The following ABLIM2 variants were observed in gnomAD, a reference collection of about 807,000 sequenced individuals.
ABLIM2 encodes actin binding LIM protein family member 2.
Under a neutral mutation model 97.7 loss-of-function variants are expected in ABLIM2, and 53 were observed. The ratio of observed to expected loss-of-function variants is 0.54; its 90% confidence interval spans 0.44 to 0.68. ABLIM2 has a LOEUF of 0.68. ABLIM2 is among the 30% of genes least tolerant of loss of function. ABLIM2 has a pLI of 0.00. For synonymous variants in ABLIM2, 361 were observed against 345.8 expected, an observed-to-expected ratio of 1.04 and a Z score of -0.49; for missense variants, 835 against 867.2, an observed-to-expected ratio of 0.96 and a Z score of 0.47.
chr4:7,974,406 T>TCCATCTATCCACCCAC (rs367553626), intron 20 of ABLIM2, among the ~76,000 whole-genome samples: 45,405 of 133,582 alleles, frequency 0.34, 8,343 homozygotes, highest in Non-Finnish European at 0.38. Flanking sequence ...CATCCACCCA[T>TCCATCTATCCACCCAC]CCATCCACCA....
chr4:8,047,152 C>G (rs953118933), intron 8 of ABLIM2, among the ~76,000 whole-genome samples: 1 of 152,188 alleles, frequency 6.6e-6, no homozygotes, highest in Non-Finnish European at 1.5e-5. Context: ...GGAGGACAAC[C>G]CTGTGCGGCA....
intron 20 of ABLIM2, among the ~76,000 whole-genome samples, chr4:7,973,184 G>T (rs1232256577): frequency 6.6e-6 from 1 of 151,804 alleles, no homozygotes; most frequent in Non-Finnish European, 1.5e-5. Context: ...CCTGGGGCAG[G>T]AGGAGCCTTG....
intron 10 of ABLIM2, among the ~76,000 whole-genome samples, chr4:8,034,894 G>A (rs1279072762): frequency 8.7e-6 from 1 of 115,362 alleles, no homozygotes; most frequent in African/African-American, 3.4e-5. Context: ...TGGGTGGTAG[G>A]TAGGTGGGTG....
chr4:8,025,023 G>A (rs1490091637), intron 12 of ABLIM2, among the ~76,000 whole-genome samples: 7 of 152,206 alleles, frequency 4.6e-5, no homozygotes, highest in Non-Finnish European at 1.5e-5. Context: ...TCCGCCTCCT[G>A]GATTCAAGCA....
chr4:8,048,648 G>A (rs1794117729), intron 8 of ABLIM2, among the ~76,000 whole-genome samples: 1 of 152,190 alleles, frequency 6.6e-6, no homozygotes, highest in East Asian at 1.9e-4. Context: ...CCCGCGTTTG[G>A]TCTCCACAAG....
Position 8,077,570 on chromosome 4 carries a change from C to G in ABLIM2, c.675+58G>C, listed in dbSNP as rs1479544045. ...ACACACAAATCTCCCAGTCAACTCC[C>G]AGGGGGGCAGTTAGGCCCTAGCTCA... On this transcript the variant is annotated intron_variant, in intron 6 of 20. Coordinates refer to ENST00000447017, the MANE Select transcript of ABLIM2 (RefSeq NM_001130083.2). 2.0e-6 allele frequency: 3 copies of G among 1,472,096 alleles called. No individual in the cohort carries two copies. In the African/African-American group the frequency reaches 4.2e-5, roughly 21 times the overall value. The allele number at this position is 1,472,096 out of a possible 1,614,324, so 91.2% of individuals were successfully genotyped here.
rs1187646650 is a variant in ABLIM2, at chr4:8,132,412, T to G, written c.11-25775A>C. Among the ~76,000 whole-genome samples the G allele has an allele frequency of 2.0e-5, 3 of 152,148 alleles. No individual in the cohort carries two copies. Among genetic ancestry groups the G allele is most frequent in the Non-Finnish European group, 4.4e-5 (3 of 68,020 alleles). ...AGACTTAAAGCGAGGAAGACACCAGTGCTTTTTCAGGATTGTAAAACTTAG... is the reference window on the plus strand; with the variant it reads ...AGACTTAAAGCGAGGAAGACACCAGGGCTTTTTCAGGATTGTAAAACTTAG... On this transcript the variant is annotated intron_variant, in intron 1 of 20. Transcript: ENST00000447017. This position sits in a 1 kb window ranked among gnomAD's most constrained non-coding sequence, Gnocchi z 8.0.
rs562298208 is a variant in ABLIM2 at position 8,015,409 on chromosome 4, A to T, written c.1423+4209T>A. Among the ~76,000 whole-genome samples the T allele has an allele frequency of 6.6e-6, 1 of 152,036 alleles. No homozygotes were observed. Among genetic ancestry groups the T allele is most frequent in the South Asian group, 2.1e-4 (1 of 4,814 alleles). ...TGGGGAGCCTCAGTGGGGGCTTCCC[A>T]GTGCAATCCGCACTCTGGACACAGC... On this transcript the variant is annotated intron_variant, in intron 14 of 20. Transcript: ENST00000447017. This position sits in a 1 kb window ranked among gnomAD's most constrained non-coding sequence, Gnocchi z 4.6.
At chr4:8,073,006 C>T (rs4696671) in intron 6 of ABLIM2, among the ~76,000 whole-genome samples, 21,042 of 151,864 alleles carry the variant, frequency 0.14, 1,931 homozygotes, top group East Asian at 0.34. Context: ...GCAGTGGGGC[C>T]GGTGCGAAGG....
intron 20 of ABLIM2, among the ~76,000 whole-genome samples, chr4:7,979,023 G>A (rs537729360): frequency 2.0e-4 from 31 of 152,322 alleles, no homozygotes; most frequent in African/African-American, 7.5e-4. Context: ...CACTCACTCT[G>A]CGCAGATGCT....
chr4:8,002,149 GC>G lies in ABLIM2; in HGVS notation c.1618+5909del, dbSNP rs1247443251. Among the ~76,000 whole-genome samples the G allele has an allele frequency of 6.6e-6, 1 of 152,154 alleles. No homozygotes were observed. The highest frequency in any genetic ancestry group is 2.4e-5 in the African/African-American group (1 of 41,430). ...CCCACGGTTCCAGTCCCATCTGGGA[GC>G]CGGGGACCCTCAGTCTCTGCCTCCA... On this transcript the variant is annotated intron_variant, in intron 16 of 20. Coordinates refer to ENST00000447017, the MANE Select transcript of ABLIM2 (RefSeq NM_001130083.2). The surrounding 1 kb of genome is among the most constrained non-coding windows in gnomAD (Gnocchi z 6.1).
intron 16 of ABLIM2, chr4:8,006,987 G>C (rs1761863437): frequency 1.0e-6 from 1 of 982,616 alleles, no homozygotes; most frequent in Non-Finnish European, 1.2e-6. Flanking sequence ...GGGGTGCACA[G>C]ACACCTGCTT....
chr4:8,063,335 G>C (rs1804698724), intron 6 of ABLIM2, among the ~76,000 whole-genome samples: 1 of 152,236 alleles, frequency 6.6e-6, no homozygotes, highest in Non-Finnish European at 1.5e-5. Context: ...AAAGTGCTGA[G>C]ATTATAGGCG....
At chr4:8,059,661 G>A (rs900887079) in intron 7 of ABLIM2, among the ~76,000 whole-genome samples, 1 of 152,060 alleles carries the variant, frequency 6.6e-6, no homozygotes, top group Non-Finnish European at 1.5e-5. Context: ...CAGCACTTTG[G>A]GAGGCCGAGG....
Position 8,128,020 on chromosome 4 carries a change from T to A in ABLIM2, c.11-21383A>T, listed in dbSNP as rs1411189450. 1.3e-5 allele frequency among the ~76,000 whole-genome samples: 2 copies of A among 152,174 alleles called. No individual in the cohort carries two copies. The highest frequency in any genetic ancestry group is 1.5e-5 in the Non-Finnish European group (1 of 68,022). On this transcript the variant is annotated intron_variant, in intron 1 of 20. Transcript: ENST00000447017. This position sits in a 1 kb window ranked among gnomAD's most constrained non-coding sequence, Gnocchi z 4.9. ...CAACAGATACGGATTCTCTCGCAGT[T>A]CTGGGGGCCAGAAGTCTGACATGAA...
chr4:8,010,282 A>C (rs570391243), intron 14 of ABLIM2: 1 of 833,838 alleles, frequency 1.2e-6, no homozygotes, highest in Non-Finnish European at 1.4e-6. Flanking sequence ...TCGGCATCCA[A>C]CTTAGTAGGT....
chr4:8,155,052 C>T lies in ABLIM2; in HGVS notation c.10+3628G>A, dbSNP rs1714864608. On this transcript the variant is annotated intron_variant, in intron 1 of 20. Coordinates refer to ENST00000447017, the MANE Select transcript of ABLIM2 (RefSeq NM_001130083.2). The surrounding 1 kb of genome is among the most constrained non-coding windows in gnomAD (Gnocchi z 4.2). Reference sequence around the variant, plus strand: ...CACCCCTGTGATTCAATTATCTCCACCTGGCCCTGCCCTTGACACGTGGGG... The same window carrying T: ...CACCCCTGTGATTCAATTATCTCCATCTGGCCCTGCCCTTGACACGTGGGG... 6.6e-6 allele frequency among the ~76,000 whole-genome samples: 1 copy of T among 152,220 alleles called. No individual in the cohort carries two copies. Among genetic ancestry groups the T allele is most frequent in the Non-Finnish European group, 1.5e-5 (1 of 68,048 alleles).
chr4:8,013,579 C>T (rs1332982376), intron 14 of ABLIM2, among the ~76,000 whole-genome samples: 1 of 152,226 alleles, frequency 6.6e-6, no homozygotes, highest in Non-Finnish European at 1.5e-5. Context: ...CTATGAACCT[C>T]ATTTACAGAT....
chr4:7,984,528 C>G (rs1312028367), intron 18 of ABLIM2, among the ~76,000 whole-genome samples: 1 of 152,254 alleles, frequency 6.6e-6, no homozygotes, highest in East Asian at 1.9e-4. Context: ...CCGTCCCGCT[C>G]AGACCCTGGA....
Sources: gnomAD v4.1 joint callset for allele counts (sites outside exome capture counted in the v4.1 genomes callset) on GRCh38, gnomAD v4.1.1 for gene constraint, Gnocchi (gnomAD v3.1) non-coding constraint, MANE v1.5 for transcripts, NCBI Gene and HGNC (gene_info 2026-07-23, HGNC 2026-07-21) for gene names.